The following KIRREL3 variants were observed in gnomAD, a reference collection of about 807,000 sequenced individuals.
The protein encoded by KIRREL3 is kin of IRRE-like protein 3.
Under a neutral mutation model 89.7 loss-of-function variants are expected in KIRREL3, and 36 were observed. The ratio of observed to expected loss-of-function variants is 0.40; its 90% CI spans 0.31 to 0.53. The LOEUF is 0.53. KIRREL3 is among the 20% of genes least tolerant of loss of function. The pLI is 0.49. For missense variants in KIRREL3, 864 were observed against 1,056.6 expected (o/e 0.82, Z 2.53); for synonymous variants, 445 against 441.4 (o/e 1.01, Z -0.10).
At chr11:126,506,232 T>C (rs995466773) in intron 4 of KIRREL3, among the ~76,000 whole-genome samples, 8 of 130,488 alleles carry the variant, frequency 6.1e-5, no homozygotes, top group Non-Finnish European at 1.6e-5. Flanking sequence ...AAAAACACAA[T>C]CTATAAGAAA....
intron 1 of KIRREL3, among the ~76,000 whole-genome samples, chr11:126,726,682 A>T (rs1169844899): frequency 6.6e-6 from 1 of 152,134 alleles, no homozygotes; most frequent in Non-Finnish European, 1.5e-5. Context: ...CAGCCACAAG[A>T]TGCCTCTTTA....
In KIRREL3 at chr11:126,476,301, C is replaced by T. The variant is rs1957062326; in HGVS notation, c.434-2835G>A. Among the ~76,000 whole-genome samples the T allele has an allele frequency of 6.6e-6, 1 of 152,190 alleles. No individual in the cohort carries two copies. The highest frequency in any genetic ancestry group is 2.4e-5 in the African/African-American group (1 of 41,446). Reference sequence around the variant, plus strand: ...GGGAGCTCCCCAGGGGGTCCCATGGCAGGACCAGCTTTCTGGGCTCTGGAC... The same window carrying T: ...GGGAGCTCCCCAGGGGGTCCCATGGTAGGACCAGCTTTCTGGGCTCTGGAC... On this transcript the variant is annotated intron_variant, in intron 4 of 16. Coordinates refer to ENST00000525144, the MANE Select transcript of KIRREL3 (RefSeq NM_032531.4). This position sits in a 1 kb window ranked among gnomAD's most constrained non-coding sequence, Gnocchi z 6.4.
intron 2 of KIRREL3, among the ~76,000 whole-genome samples, chr11:126,538,261 C>T (rs993921057): frequency 1.1e-4 from 17 of 152,166 alleles, no homozygotes; most frequent in African/African-American, 4.1e-4. Flanking sequence ...TTATTAGTGA[C>T]CAATTGGAGA....
At chr11:126,468,717 T>C (rs537603481) in intron 5 of KIRREL3, among the ~76,000 whole-genome samples, 1 of 152,372 alleles carries the variant, frequency 6.6e-6, no homozygotes, top group South Asian at 2.1e-4. Context: ...CCAATAATAG[T>C]AGCTCACATT....
At chr11:126,580,461 C>T (rs377314767) in intron 1 of KIRREL3, among the ~76,000 whole-genome samples, 1 of 152,076 alleles carries the variant, frequency 6.6e-6, no homozygotes, top group Admixed American at 6.5e-5. Context: ...GTTCAGGTTG[C>T]GATGGGCAAG....
At chr11:126,542,526 A>G (rs2134497777) in intron 2 of KIRREL3, among the ~76,000 whole-genome samples, 1 of 152,318 alleles carries the variant, frequency 6.6e-6, no homozygotes, top group East Asian at 1.9e-4. Context: ...TACTTAAAAA[A>G]AACACTCAAC....
rs11826700 is a variant in KIRREL3 at position 126,686,428 on chromosome 11, G to A, written c.56-123516C>T. On this transcript the variant is annotated intron_variant, in intron 1 of 16. Transcript: ENST00000525144. This position sits in a 1 kb window ranked among gnomAD's most constrained non-coding sequence, Gnocchi z 4.7. ...ACACCATCCTATTTTTATAAGCCTTGTGGGTCTGTGGAAGAGAATGGAAGA... is the reference window on the plus strand; with the variant it reads ...ACACCATCCTATTTTTATAAGCCTTATGGGTCTGTGGAAGAGAATGGAAGA... Among the ~76,000 whole-genome samples, 70,299 of 151,822 alleles carry A rather than the reference G, an allele frequency of 0.46. 17,922 individuals carry two copies. Among genetic ancestry groups the A allele is most frequent in the East Asian group, 0.83 (4,289 of 5,160 alleles).
intron 4 of KIRREL3, among the ~76,000 whole-genome samples, chr11:126,514,677 T>C (rs1378342204): frequency 1.3e-5 from 2 of 152,232 alleles, no homozygotes; most frequent in African/African-American, 4.8e-5. Flanking sequence ...ATTTCCCTCA[T>C]TTTACACAGA....
In KIRREL3 at chr11:126,912,274, G is replaced by C. The variant is rs1034373503; in HGVS notation, c.55+88181C>G. Among the ~76,000 whole-genome samples the C allele has an allele frequency of 1.3e-5, 2 of 152,064 alleles. No individual in the cohort carries two copies. The highest frequency in any genetic ancestry group is 1.3e-4 in the Admixed American group (2 of 15,266). On this transcript the variant is annotated intron_variant, in intron 1 of 16. Coordinates refer to ENST00000525144, the MANE Select transcript of KIRREL3 (RefSeq NM_032531.4). This position sits in a 1 kb window ranked among gnomAD's most constrained non-coding sequence, Gnocchi z 4.7. ...CCTTCACCTTCAAGCAGGCTAAACC[G>C]GCCGAGAGTGGCTCTGAGGACCTGC...
intron 1 of KIRREL3, among the ~76,000 whole-genome samples, chr11:126,572,458 C>T (rs1161103635): frequency 1.3e-5 from 2 of 152,218 alleles, no homozygotes. Flanking sequence ...AGGATTAGAA[C>T]CCAGGCCCAT....
chr11:126,582,956 C>T (rs1353135314), intron 1 of KIRREL3, among the ~76,000 whole-genome samples: 2 of 148,518 alleles, frequency 1.3e-5, no homozygotes, highest in African/African-American at 2.5e-5. Context: ...CCCAAAGCTA[C>T]ACAGTCAGTA....
Position 126,424,402 on chromosome 11 carries a change from T to C in KIRREL3, c.*178A>G. On this transcript the variant is annotated 3_prime_UTR_variant, in exon 17 of 17. Transcript: ENST00000525144. ...CCGCCCACCTCTGGCACACAGCACCTGGGGACCCAGATTTGTGCTTGATCA... is the reference window on the plus strand; with the variant it reads ...CCGCCCACCTCTGGCACACAGCACCCGGGGACCCAGATTTGTGCTTGATCA... The C allele has an allele frequency of 5.1e-6, 2 of 389,464 alleles. No individual in the cohort carries two copies. Among genetic ancestry groups the C allele is most frequent in the Non-Finnish European group, 9.8e-6 (2 of 203,134 alleles). 24.1% of individuals were successfully genotyped at this position (389,464 alleles called of 1,614,324 possible).
intron 1 of KIRREL3, among the ~76,000 whole-genome samples, chr11:126,849,102 C>A (rs1210575062): frequency 2.0e-5 from 3 of 152,110 alleles, no homozygotes; most frequent in Admixed American, 6.6e-5. Context: ...AGGAGGTCGA[C>A]ACAAGAGGCA....
At chr11:126,952,576 T>G (rs1948803762) in intron 1 of KIRREL3, among the ~76,000 whole-genome samples, 1 of 152,242 alleles carries the variant, frequency 6.6e-6, no homozygotes, top group Admixed American at 6.5e-5. Context: ...GCAGAAGCTC[T>G]TAACTTTAAT....
rs530768409 is a variant in KIRREL3 at position 126,923,130 on chromosome 11, T to C, written c.55+77325A>G. Among the ~76,000 whole-genome samples the C allele has an allele frequency of 2.2e-3, 36 of 16,294 alleles. 12 individuals carry two copies. The highest frequency in any genetic ancestry group is 8.0e-3 in the African/African-American group (32 of 3,976). 10.7% of individuals were successfully genotyped at this position (16,294 alleles called of 152,430 possible). Reference sequence around the variant, plus strand: ...CTTCTCCTTCTCCTTCTCCTTCTTCTCTTCTTCTTCTTCTTCTTCTTCTTC... The same window carrying C: ...CTTCTCCTTCTCCTTCTCCTTCTTCCCTTCTTCTTCTTCTTCTTCTTCTTC... On this transcript the variant is annotated intron_variant, in intron 1 of 16. Transcript: ENST00000525144.
intron 1 of KIRREL3, among the ~76,000 whole-genome samples, chr11:126,758,820 A>G (rs1468974247): frequency 6.6e-6 from 1 of 152,240 alleles, no homozygotes; most frequent in Non-Finnish European, 1.5e-5. Flanking sequence ...CTGCTTCCGT[A>G]GCAGAAAAAG....
At chr11:126,700,873 G>A (rs1042667384) in intron 1 of KIRREL3, among the ~76,000 whole-genome samples, 1 of 152,176 alleles carries the variant, frequency 6.6e-6, no homozygotes, top group Non-Finnish European at 1.5e-5. Flanking sequence ...GGGCTAATGA[G>A]CTCAGTTCCT....
chr11:126,675,483 T>C (rs530253439), intron 1 of KIRREL3, among the ~76,000 whole-genome samples: 1 of 152,296 alleles, frequency 6.6e-6, no homozygotes, highest in South Asian at 2.1e-4. Context: ...AGTTAGGTAG[T>C]AGGGAGTGAA....
In KIRREL3 at chr11:126,940,120, AAAG is replaced by A. The variant is rs2135107249; in HGVS notation, c.55+60332_55+60334del. Among the ~76,000 whole-genome samples the A allele has an allele frequency of 6.6e-6, 1 of 152,296 alleles. No individual in the cohort carries two copies. The highest frequency in any genetic ancestry group is 1.9e-4 in the East Asian group (1 of 5,176). The stretch of plus-strand genomic sequence containing the variant: ...TCATCAAATGCCCACTCCCCCAAGA[AAAG>A]AAGCAGTTTGGACCACAGGCAGGTC... On this transcript the variant is annotated intron_variant, in intron 1 of 16. Coordinates refer to ENST00000525144, the MANE Select transcript of KIRREL3 (RefSeq NM_032531.4). The surrounding 1 kb of genome is among the most constrained non-coding windows in gnomAD (Gnocchi z 4.6).
Sources: gnomAD v4.1 joint callset for allele counts (sites outside exome capture counted in the v4.1 genomes callset) on GRCh38, gnomAD v4.1.1 for gene constraint, Gnocchi (gnomAD v3.1) non-coding constraint, MANE v1.5 for transcripts, NCBI Gene and HGNC (gene_info 2026-07-23, HGNC 2026-07-21) for gene names.